The following AIG1 variants were observed in gnomAD, a reference collection of about 807,000 sequenced individuals.
AIG1 encodes androgen-induced gene 1 protein.
In AIG1, 23 loss-of-function variants were observed where a neutral mutation model predicts 31.4. That is an observed-to-expected ratio of 0.73 (90% CI 0.53 to 1.04). The LOEUF (loss-of-function observed/expected upper bound fraction) is 1.04, where lower values mean the gene tolerates loss of function less well. Among genes scored for constraint, AIG1 ranks in the 50% least tolerant of loss-of-function variants. The pLI is 0.00. For synonymous variants in AIG1, 100 were observed against 110.5 expected (o/e 0.90, Z 0.60); for missense variants, 274 against 295.0 (o/e 0.93, Z 0.52).
chr6:143,092,863 A>G (rs926558708), intron 1 of AIG1, among the ~76,000 whole-genome samples: 1 of 152,108 alleles, frequency 6.6e-6, no homozygotes, highest in African/African-American at 2.4e-5. Flanking sequence ...TAGCCTGGGC[A>G]ACATAGCATG....
intron 3 of AIG1, among the ~76,000 whole-genome samples, chr6:143,228,904 G>T (rs1793221116): frequency 6.6e-6 from 1 of 152,296 alleles, no homozygotes; most frequent in South Asian, 2.1e-4. Flanking sequence ...CTCTTAAAAG[G>T]CAAAGGTTGC....
chr6:143,263,085 T>C (rs552182925), intron 3 of AIG1, among the ~76,000 whole-genome samples: 3 of 152,284 alleles, frequency 2.0e-5, no homozygotes, highest in African/African-American at 7.2e-5. Context: ...CATGATTATG[T>C]ATAAGGAAGA....
intron 3 of AIG1, among the ~76,000 whole-genome samples, chr6:143,217,934 T>G (rs1792163146): frequency 6.6e-6 from 1 of 152,232 alleles, no homozygotes; most frequent in South Asian, 2.1e-4. Context: ...CTATATTGAT[T>G]TACAATGCCC....
intron 1 of AIG1, among the ~76,000 whole-genome samples, chr6:143,089,904 A>T (rs1027015670): frequency 2.0e-5 from 3 of 152,240 alleles, no homozygotes; most frequent in African/African-American, 7.2e-5. Context: ...TTAAATTTCA[A>T]CATGAGTTTT....
intron 1 of AIG1, among the ~76,000 whole-genome samples, chr6:143,106,304 T>C (rs1780799482): frequency 6.6e-6 from 1 of 152,094 alleles, no homozygotes; most frequent in South Asian, 2.1e-4. Context: ...TGGAACAGGT[T>C]CTCCCTCACA....
intron 3 of AIG1, among the ~76,000 whole-genome samples, chr6:143,247,316 G>A (rs1039798890): frequency 5.3e-5 from 8 of 152,212 alleles, no homozygotes; most frequent in African/African-American, 1.9e-4. Flanking sequence ...TATTTTAGTA[G>A]AGACGGGGCT....
rs200551324 is a variant in AIG1, at chr6:143,161,555, G to A, written c.298-3527G>A. On this transcript the variant is annotated intron_variant, in intron 2 of 5. Coordinates refer to ENST00000357847, the MANE Select transcript of AIG1 (RefSeq NM_016108.4). ...TATATATATATGTGTGTATATATAT[G>A]TGTGTGTGTGTGTACATATATATAT... 4.1e-4 allele frequency among the ~76,000 whole-genome samples: 57 copies of A among 140,580 alleles called. No homozygotes were observed. The East Asian group carries it at 0.011, about 27-fold the overall frequency. 92.2% of individuals were successfully genotyped at this position (140,580 alleles called of 152,430 possible). A position where few individuals can be genotyped will look rare whatever the true frequency, so the allele number is the denominator to read the frequency against.
intron 2 of AIG1, among the ~76,000 whole-genome samples, chr6:143,161,337 C>G (rs183314100): frequency 6.6e-6 from 1 of 151,970 alleles, no homozygotes; most frequent in Non-Finnish European, 1.5e-5. Flanking sequence ...TTGCACAAAA[C>G]CCTTCAGAAA....
chr6:143,118,316 G>A lies in AIG1; in HGVS notation c.142-18519G>A, dbSNP rs569456830. 9.2e-5 allele frequency among the ~76,000 whole-genome samples: 14 copies of A among 152,150 alleles called. No homozygotes were observed. The South Asian group carries it at 1.5e-3, about 16-fold the overall frequency. On this transcript the variant is annotated intron_variant, in intron 1 of 5. Coordinates refer to ENST00000357847, the MANE Select transcript of AIG1 (RefSeq NM_016108.4). The stretch of plus-strand genomic sequence containing the variant: ...TCTACCAAAATACAAAAAATTAGCC[G>A]AGTCTGGTGGCAGGTGCCTGTAGTC...
At chr6:143,332,799 A>G (rs1451920039) in intron 4 of AIG1, among the ~76,000 whole-genome samples, 1 of 152,258 alleles carries the variant, frequency 6.6e-6, no homozygotes, top group Non-Finnish European at 1.5e-5. Flanking sequence ...AAAGTCAGCC[A>G]TTTCAAATAC....
chr6:143,110,613 C>G (rs1284893109), intron 1 of AIG1, among the ~76,000 whole-genome samples: 1 of 152,142 alleles, frequency 6.6e-6, no homozygotes, highest in Non-Finnish European at 1.5e-5. Flanking sequence ...CGGTCACACC[C>G]TTAAACAAAA....
chr6:143,167,985 A>G (rs1787125813), intron 3 of AIG1, among the ~76,000 whole-genome samples: 1 of 152,202 alleles, frequency 6.6e-6, no homozygotes, highest in Non-Finnish European at 1.5e-5. Context: ...TATCTGTGCA[A>G]CTATAGATAC....
chr6:143,308,306 G>A (rs890672237), intron 4 of AIG1, among the ~76,000 whole-genome samples: 1 of 152,234 alleles, frequency 6.6e-6, no homozygotes, highest in Non-Finnish European at 1.5e-5. Context: ...CATCGCTCAC[G>A]CTGGGAGCTG....
intron 1 of AIG1, among the ~76,000 whole-genome samples, chr6:143,119,391 T>G (rs1186062760): frequency 6.6e-6 from 1 of 152,152 alleles, no homozygotes; most frequent in Non-Finnish European, 1.5e-5. Context: ...GGGGTGATAC[T>G]TGGGTAGGGG....
At chr6:143,275,143 A>G (rs1408248307) in intron 3 of AIG1, among the ~76,000 whole-genome samples, 2 of 152,158 alleles carry the variant, frequency 1.3e-5, no homozygotes, top group African/African-American at 4.8e-5. Flanking sequence ...AAAGTAAAGG[A>G]GAAAAAGAAG....
At chr6:143,212,670 C>A (rs1791682292) in intron 3 of AIG1, among the ~76,000 whole-genome samples, 1 of 152,106 alleles carries the variant, frequency 6.6e-6, no homozygotes, top group Non-Finnish European at 1.5e-5. Context: ...CCTCAGGGTG[C>A]CACACTCTTC....
At chr6:143,341,531 G>T (rs1473729181), downstream of AIG1, among the ~76,000 whole-genome samples, 1 of 152,130 alleles carries the variant, frequency 6.6e-6, no homozygotes, top group Non-Finnish European at 1.5e-5. Context: ...TTTGTAAAAA[G>T]GGGGAATTAG....
At chr6:143,149,008 TA>T (rs1490777164) in intron 2 of AIG1, among the ~76,000 whole-genome samples, 1 of 152,194 alleles carries the variant, frequency 6.6e-6, no homozygotes, top group Non-Finnish European at 1.5e-5. Flanking sequence ...CTATACCACC[TA>T]GGTTTGTGTA....
At chr6:143,265,622 G>A (rs936706148) in intron 3 of AIG1, among the ~76,000 whole-genome samples, 1 of 152,168 alleles carries the variant, frequency 6.6e-6, no homozygotes, top group Admixed American at 6.5e-5. Context: ...AAAGGAATGT[G>A]CTAAAGCCTT....
Sources: allele counts gnomAD v4.1 joint callset (sites outside exome capture counted in the v4.1 genomes callset), GRCh38; gene constraint gnomAD v4.1.1; transcripts MANE v1.5; gene names NCBI Gene and HGNC (gene_info 2026-07-23, HGNC 2026-07-21).